The following FBLN1 variants were observed in gnomAD, a reference collection of about 807,000 sequenced individuals.
The protein encoded by FBLN1 is fibulin 1.
Under a neutral mutation model 89.7 loss-of-function variants are expected in FBLN1, and 34 were observed. The observed-to-expected ratio is 0.38, with a 90% CI of 0.29 to 0.50. The LOEUF (loss-of-function observed/expected upper bound fraction) is 0.50. FBLN1 is among the 20% of genes least tolerant of loss of function. The pLI is 0.92. For synonymous variants in FBLN1, 393 were observed against 391.3 expected, an observed-to-expected ratio of 1.00 and a Z score of -0.05; for missense variants, 777 against 988.1, an observed-to-expected ratio of 0.79 and a Z score of 2.86.
intron 8 of FBLN1, 95 bp from the exon 9 acceptor site, chr22:45,541,134 G>A: frequency 6.6e-7 from 1 of 1,521,972 alleles, no homozygotes; most frequent in Non-Finnish European, 9.1e-7. Context: ...GTTTTGCAAA[G>A]AGGTGGGAAG....
At chr22:45,515,158 G>T (rs942667661) in intron 1 of FBLN1, among the ~76,000 whole-genome samples, 1 of 152,206 alleles carries the variant, frequency 6.6e-6, no homozygotes, top group Non-Finnish European at 1.5e-5. Flanking sequence ...GTCAGGGCCC[G>T]GCAATTGATT....
intron 9 of FBLN1, 122 bp from the exon 10 acceptor site, chr22:45,542,033 G>A: frequency 2.0e-6 from 3 of 1,466,522 alleles, no homozygotes; most frequent in Non-Finnish European, 2.8e-6. Flanking sequence ...GTGAAGTCGT[G>A]TTGAAATGGA....
At chr22:45,564,415 C>T (rs2088882987) in intron 14 of FBLN1, among the ~76,000 whole-genome samples, 1 of 152,260 alleles carries the variant, frequency 6.6e-6, no homozygotes, top group Non-Finnish European at 1.5e-5. Context: ...TTAGTCCTTG[C>T]ATGCAATTTC....
At chr22:45,505,454 C>T (rs575074878) in intron 1 of FBLN1, among the ~76,000 whole-genome samples, 2 of 152,342 alleles carry the variant, frequency 1.3e-5, no homozygotes, top group African/African-American at 2.4e-5. Context: ...GGGGCCTCTC[C>T]TGCAGCACCC....
rs915581693 is a variant in FBLN1, at chr22:45,532,184, G to A, written c.544+860G>A. 3.3e-5 allele frequency among the ~76,000 whole-genome samples: 5 copies of A among 152,242 alleles called. No homozygotes were observed. The South Asian group carries it at 1.0e-3, about 32-fold the overall frequency. On this transcript the variant is annotated intron_variant, in intron 5 of 16. Transcript: ENST00000327858. The surrounding 1 kb of genome is among the most constrained non-coding windows in gnomAD (Gnocchi z 4.2). ...GTACAGTGACAGTTGGTCCAGGGGC[G>A]CTGTCCAGGGGCCTGGTGGAGGGAG...
At chr22:45,522,939 T>A (rs2088269792) in intron 2 of FBLN1, among the ~76,000 whole-genome samples, 1 of 152,052 alleles carries the variant, frequency 6.6e-6, no homozygotes. Flanking sequence ...AATATGCAAG[T>A]CCCCTGGCCT....
chr22:45,551,948 T>C (rs1006356350), intron 14 of FBLN1, among the ~76,000 whole-genome samples: 1 of 152,358 alleles, frequency 6.6e-6, no homozygotes, highest in African/African-American at 2.4e-5. Context: ...GAGGCTGCCC[T>C]GCACAGGGGC....
At chr22:45,525,441 G>A (rs2146959570) in intron 2 of FBLN1, 102 bp from the exon 3 acceptor site, 1 of 1,044,014 alleles carries the variant, frequency 9.6e-7, no homozygotes, top group Non-Finnish European at 1.4e-6. Context: ...GTGGGAGCAG[G>A]GAAGGGGAGG....
Position 45,563,378 on chromosome 22 carries a change from G to A in FBLN1, c.1698-11133G>A. 4 of 1,548,696 alleles carry A rather than the reference G, an allele frequency of 2.6e-6. No homozygotes were observed. Among genetic ancestry groups the A allele is most frequent in the Non-Finnish European group, 3.5e-6 (4 of 1,153,746 alleles). On this transcript the variant is annotated intron_variant, in intron 14 of 16. Coordinates refer to ENST00000327858, the MANE Select transcript of FBLN1 (RefSeq NM_006486.3). The surrounding 1 kb of genome is among the most constrained non-coding windows in gnomAD (Gnocchi z 5.7). ...CACACAGTGAGCCTCGCGTGCCTTG[G>A]TTTTATTTGGCATGGTTGGGAGTCT... is the stretch of plus-strand genomic sequence containing the variant.
chr22:45,522,870 C>T (rs1022953322), intron 2 of FBLN1, among the ~76,000 whole-genome samples: 11 of 152,190 alleles, frequency 7.2e-5, no homozygotes, highest in African/African-American at 2.7e-4. Flanking sequence ...GCAAATCTCA[C>T]TGAGAGCCTG....
chr22:45,587,314 CCCGCTGCCCGG>C, intron 16 of FBLN1, among the ~76,000 whole-genome samples: 9 of 108,604 alleles, frequency 8.3e-5, no homozygotes, highest in African/African-American at 3.8e-4. Context: ...CACATCCATC[CCCGCTGCCCGG>C]CCAGAGACAC....
At position 45,596,148 on chromosome 22, in the gene FBLN1, C is replaced by T. The variant is rs545121707; in HGVS notation, c.1973-4159C>T. 5.9e-5 allele frequency among the ~76,000 whole-genome samples: 9 copies of T among 152,330 alleles called. No individual in the cohort carries two copies. The East Asian group carries it at 1.2e-3, about 20-fold the overall frequency. ...CCTCCCAAAGTGCCGGGATCACAGG[C>T]GTGAGCCACTACGCCCGGCCAAAGG... On this transcript the variant is annotated intron_variant, in intron 16 of 16. Transcript: ENST00000327858.
chr22:45,597,621 G>A lies in FBLN1; in HGVS notation c.1973-2686G>A, dbSNP rs58689359. ...CCAGCCCAGGGAGGGGCAGGCAGGA[G>A]TGACCCCGTCATCAGGTTCTGCTGG... On this transcript the variant is annotated intron_variant, in intron 16 of 16. Coordinates refer to ENST00000327858, the MANE Select transcript of FBLN1 (RefSeq NM_006486.3). This position sits in a 1 kb window ranked among gnomAD's most constrained non-coding sequence, Gnocchi z 4.2. 0.017 allele frequency among the ~76,000 whole-genome samples: 2,614 copies of A among 152,286 alleles called. 85 individuals are homozygous for A. The highest frequency in any genetic ancestry group is 0.06 in the African/African-American group (2,504 of 41,548).
At chr22:45,543,131 G>A (rs1287870113) in intron 10 of FBLN1, among the ~76,000 whole-genome samples, 1 of 152,218 alleles carries the variant, frequency 6.6e-6, no homozygotes, top group Non-Finnish European at 1.5e-5. Context: ...GCCGGGCGTG[G>A]TGGCACATGC....
intron 1 of FBLN1, among the ~76,000 whole-genome samples, chr22:45,516,120 A>G (rs982646331): frequency 3.9e-5 from 6 of 152,182 alleles, no homozygotes; most frequent in African/African-American, 1.4e-4. Context: ...GTGGGCAGGC[A>G]GGCGGCCAGG....
At chr22:45,518,906 C>G in intron 2 of FBLN1, 119 bp downstream of exon 2, 1 of 939,812 alleles carries the variant, frequency 1.1e-6, no homozygotes, top group Non-Finnish European at 1.7e-6. Flanking sequence ...GGCCCGGATC[C>G]ATCCAGGCTG....
At position 45,527,963 on chromosome 22, in the gene FBLN1, G is replaced by A. The variant is rs1379389151; in HGVS notation, c.438G>A (p.Lys146=). ...CGQVFQACCV[K]SQETGDLDVG... Reference sequence around the variant, plus strand: ...AGGTCTTCCAGGCATGCTGTGTCAAGAGCCAGGAGACCGGAGATTTGGATG... The same window carrying A: ...AGGTCTTCCAGGCATGCTGTGTCAAAAGCCAGGAGACCGGAGATTTGGATG... The change falls in exon 4 of 17, where the codon AAG becomes AAA. Residue 146 remains lysine (K), a synonymous_variant. Transcript: ENST00000327858. 3.1e-6 allele frequency: 5 copies of A among 1,614,122 alleles called. No individual in the cohort carries two copies. The highest frequency in any genetic ancestry group is 4.2e-6 in the Non-Finnish European group (5 of 1,180,048).
At chr22:45,551,454 A>G (rs2088700070) in intron 14 of FBLN1, among the ~76,000 whole-genome samples, 1 of 151,966 alleles carries the variant, frequency 6.6e-6, no homozygotes, top group African/African-American at 2.4e-5. Flanking sequence ...GGTAGTGTCC[A>G]CCTCTTGACC....
At chr22:45,565,197 G>A (rs1215834900) in intron 14 of FBLN1, 6 of 1,524,882 alleles carry the variant, frequency 3.9e-6, no homozygotes, top group Non-Finnish European at 5.3e-6. Context: ...CCTCTCTGAA[G>A]GACCAGTCTG....
Sources: gnomAD v4.1 joint callset for allele counts (sites outside exome capture counted in the v4.1 genomes callset) on GRCh38, gnomAD v4.1.1 for gene constraint, Gnocchi (gnomAD v3.1) non-coding constraint, MANE v1.5 for transcripts, NCBI Gene and HGNC (gene_info 2026-07-23, HGNC 2026-07-21) for gene names.